Variants in RABGAP1 observed in about 807,000 individuals in gnomAD.
RABGAP1 encodes RAB GTPase activating protein 1.
In RABGAP1, 23 loss-of-function variants were observed where a neutral mutation model predicts 137.6. The ratio of observed to expected loss-of-function variants is 0.17; its 90% CI spans 0.12 to 0.24. RABGAP1 has a LOEUF of 0.24. Ranked by LOEUF, RABGAP1 falls within the 10% of genes least tolerant of loss-of-function variation. The pLI, the probability that RABGAP1 is intolerant of heterozygous loss-of-function variation, is 1.00. For missense variants in RABGAP1, 906 were observed against 1,275.8 expected (o/e 0.71, Z 4.42); for synonymous variants, 451 against 450.7 (o/e 1.00, Z -0.01).
chr9:122,942,132 T>C (rs1833610784), intron 1 of RABGAP1, among the ~76,000 whole-genome samples: 1 of 152,138 alleles, frequency 6.6e-6, no homozygotes, highest in South Asian at 2.1e-4. Flanking sequence ...ACACAATAAG[T>C]GAGTTTCCAG....
At chr9:123,034,489 A>G (rs958462957) in intron 13 of RABGAP1, 20 of 873,300 alleles carry the variant, frequency 2.3e-5, no homozygotes, top group Middle Eastern at 3.5e-4. Flanking sequence ...GCTGACCGCA[A>G]TGACAGCAGC....
intron 1 of RABGAP1, among the ~76,000 whole-genome samples, chr9:122,945,147 C>CATTTTTTTTTTTTTTTTTT (rs1833871783): frequency 1.3e-5 from 1 of 75,772 alleles, no homozygotes; most frequent in South Asian, 7.2e-4. Flanking sequence ...ATAGCTGTTG[C>CATTTTTTTTTTTTTTTTTT]TTTTTTTTTT....
chr9:123,065,294 A>G (rs2034133655), intron 13 of RABGAP1, 54 bp from the exon 14 acceptor site: 3 of 1,291,050 alleles, frequency 2.3e-6, no homozygotes, highest in East Asian at 2.3e-5. Flanking sequence ...AAACCTGAAT[A>G]AGAGTTTACA....
At chr9:122,989,907 T>C in intron 5 of RABGAP1, 149 bp from the exon 6 acceptor site, 2 of 880,456 alleles carry the variant, frequency 2.3e-6, no homozygotes, top group Non-Finnish European at 3.4e-6. Context: ...GTTGCTTGCT[T>C]TATAGGCCTA....
At chr9:123,006,020 C>T (rs1258676667) in intron 10 of RABGAP1, among the ~76,000 whole-genome samples, 2 of 152,094 alleles carry the variant, frequency 1.3e-5, no homozygotes, top group South Asian at 2.1e-4. Flanking sequence ...CTATTCATAT[C>T]TTTTGCTTAT....
At chr9:122,958,657 A>T (rs1425472403) in intron 2 of RABGAP1, among the ~76,000 whole-genome samples, 1 of 152,118 alleles carries the variant, frequency 6.6e-6, no homozygotes, top group Non-Finnish European at 1.5e-5. Flanking sequence ...AAACCTGCAC[A>T]TTGTGAACAT....
At chr9:122,965,604 G>A (rs1190278409) in intron 2 of RABGAP1, among the ~76,000 whole-genome samples, 2 of 152,088 alleles carry the variant, frequency 1.3e-5, no homozygotes, top group Admixed American at 6.6e-5. Context: ...TGCTGGTCTC[G>A]AACTCCTGAC....
chr9:123,095,154 G>T (rs1317196806), intron 21 of RABGAP1, among the ~76,000 whole-genome samples: 1 of 150,282 alleles, frequency 6.7e-6, no homozygotes, highest in African/African-American at 2.5e-5. Flanking sequence ...TTGAACCCGG[G>T]AGGCAGGGGC....
At chr9:122,995,566 AT>A (rs34683455) in intron 6 of RABGAP1, among the ~76,000 whole-genome samples, 51 of 118,448 alleles carry the variant, frequency 4.3e-4, no homozygotes, top group African/African-American at 1.3e-3. Context: ...ATATCAAATG[AT>A]TTTTTTTTTT....
intron 13 of RABGAP1, among the ~76,000 whole-genome samples, chr9:123,042,217 A>G (rs2032987240): frequency 2.0e-5 from 3 of 152,240 alleles, no homozygotes; most frequent in African/African-American, 7.2e-5. Flanking sequence ...GAGGGCTCAG[A>G]AACAAAATAG....
At chr9:123,102,007 G>T (rs2035360594) in intron 25 of RABGAP1, among the ~76,000 whole-genome samples, 1 of 152,160 alleles carries the variant, frequency 6.6e-6, no homozygotes, top group South Asian at 2.1e-4. Flanking sequence ...ATCTTTTGAT[G>T]GGATGAGAAG....
chr9:123,043,762 T>C (rs930661293), intron 13 of RABGAP1, among the ~76,000 whole-genome samples: 2 of 152,214 alleles, frequency 1.3e-5, no homozygotes, highest in East Asian at 3.9e-4. Flanking sequence ...TTCAGAAGTA[T>C]GAATTAAAAA....
intron 19 of RABGAP1, among the ~76,000 whole-genome samples, chr9:123,086,680 T>C (rs371942986): frequency 2.2e-4 from 27 of 125,136 alleles, no homozygotes; most frequent in African/African-American, 6.7e-4. Flanking sequence ...GTGTTTGTGG[T>C]GAGTGTTTAA....
At chr9:123,002,814 A>G (rs939621453) in intron 10 of RABGAP1, among the ~76,000 whole-genome samples, 2 of 152,164 alleles carry the variant, frequency 1.3e-5, no homozygotes, top group Non-Finnish European at 2.9e-5. Context: ...AGCCAAAAAC[A>G]TACCTGAAAT....
intron 11 of RABGAP1, among the ~76,000 whole-genome samples, chr9:123,014,961 G>A (rs1051515543): frequency 3.9e-5 from 6 of 152,040 alleles, no homozygotes; most frequent in Admixed American, 2.0e-4. Flanking sequence ...GGGGGAAACC[G>A]CCCCCATGAT....
At chr9:123,039,647 T>A (rs2032854761) in intron 13 of RABGAP1, among the ~76,000 whole-genome samples, 1 of 152,210 alleles carries the variant, frequency 6.6e-6, no homozygotes, top group Non-Finnish European at 1.5e-5. Flanking sequence ...ATAACTTTGC[T>A]TCTGGAAACT....
intron 13 of RABGAP1, among the ~76,000 whole-genome samples, chr9:123,063,515 A>G (rs1405044126): frequency 6.6e-6 from 1 of 152,234 alleles, no homozygotes; most frequent in Non-Finnish European, 1.5e-5. Context: ...ACCATTTTGC[A>G]TTGTATAGGA....
intron 2 of RABGAP1, among the ~76,000 whole-genome samples, chr9:122,974,415 CTTTTTTTT>C (rs11331973): frequency 1.2e-4 from 7 of 58,220 alleles, no homozygotes; most frequent in South Asian, 1.8e-3. Flanking sequence ...ATGGCTTTGT[CTTTTTTTT>C]TTTTTTTTTT....
intron 13 of RABGAP1, among the ~76,000 whole-genome samples, chr9:123,051,901 C>T (rs1228849094): frequency 1.3e-5 from 2 of 151,358 alleles, no homozygotes; most frequent in Non-Finnish European, 3.0e-5. Context: ...ATGCCATTCT[C>T]CTGCCTCAGC....
Sources: allele counts gnomAD v4.1 joint callset (sites outside exome capture counted in the v4.1 genomes callset), GRCh38; gene constraint gnomAD v4.1.1; transcripts MANE v1.5; gene names NCBI Gene and HGNC (gene_info 2026-07-23, HGNC 2026-07-21).